The following KAT6A variants were observed in gnomAD, a reference collection of about 807,000 sequenced individuals.
KAT6A encodes histone acetyltransferase KAT6A.
Under a neutral mutation model 198.4 loss-of-function variants are expected in KAT6A, and 9 were observed. The ratio of observed to expected loss-of-function variants is 0.05; its 90% CI spans 0.03 to 0.08. KAT6A has a LOEUF of 0.08. Ranked by LOEUF, KAT6A falls within the 10% of genes least tolerant of loss-of-function variation. The pLI is 1.00. For missense variants in KAT6A, 2,077 were observed against 2,509.9 expected, an observed-to-expected ratio of 0.83 and a Z score of 3.69; for synonymous variants, 890 against 883.0, an observed-to-expected ratio of 1.01 and a Z score of -0.14.
chr8:41,942,181 A>G, intron 14 of KAT6A: 1 of 212,284 alleles, frequency 4.7e-6, no homozygotes, highest in Admixed American at 5.8e-5. Flanking sequence ...ACAGTTCACC[A>G]GCAACCCTTT....
At chr8:42,008,277 C>G (rs1825846200) in intron 2 of KAT6A, among the ~76,000 whole-genome samples, 1 of 152,054 alleles carries the variant, frequency 6.6e-6, no homozygotes, top group Non-Finnish European at 1.5e-5. Context: ...TAGGATAATC[C>G]AAAGCTAACA....
At chr8:41,951,810 T>G (rs1289554903) in intron 9 of KAT6A, among the ~76,000 whole-genome samples, 1 of 152,188 alleles carries the variant, frequency 6.6e-6, no homozygotes, top group East Asian at 1.9e-4. Flanking sequence ...TTGTAGCAAA[T>G]TTTTAATGTA....
chr8:41,964,274 T>C (rs1048731184), intron 8 of KAT6A, among the ~76,000 whole-genome samples: 1 of 152,188 alleles, frequency 6.6e-6, no homozygotes, highest in African/African-American at 2.4e-5. Flanking sequence ...TAAAGTTGTA[T>C]TAAATGAAAC....
chr8:41,946,166 C>T (rs1822375167), intron 12 of KAT6A, among the ~76,000 whole-genome samples: 1 of 152,066 alleles, frequency 6.6e-6, no homozygotes. Context: ...GCAGGGGTAG[C>T]ATTGCTCACT....
intron 3 of KAT6A, among the ~76,000 whole-genome samples, chr8:41,986,127 G>T (rs1190147271): frequency 6.6e-6 from 1 of 152,118 alleles, no homozygotes; most frequent in African/African-American, 2.4e-5. Flanking sequence ...TTTTAGTAGT[G>T]ATGGGGTTTC....
At chr8:41,944,807 C>T (rs183885660) in intron 12 of KAT6A, among the ~76,000 whole-genome samples, 35 of 152,222 alleles carry the variant, frequency 2.3e-4, no homozygotes, top group African/African-American at 7.2e-4. Context: ...AATCATGAGT[C>T]CTATTTCAAA....
chr8:42,034,154 C>A (rs937897829), intron 2 of KAT6A, among the ~76,000 whole-genome samples: 5 of 152,024 alleles, frequency 3.3e-5, no homozygotes, highest in Non-Finnish European at 1.5e-5. Context: ...AATATAGGGG[C>A]AAGGGAAAAC....
chr8:41,941,104 T>C lies in KAT6A; in HGVS notation c.2777A>G (p.Gln926Arg), dbSNP rs546560779. ...SEEQLVASEE[Q>R]PSQDGKPDLP... ...GTCAGGTTTCCCGTCCTGGCTTGGCTGCTCCTCAGAAGCCACCAGCTGTTC... is the reference window on the plus strand; with the variant it reads ...GTCAGGTTTCCCGTCCTGGCTTGGCCGCTCCTCAGAAGCCACCAGCTGTTC... The change falls in exon 15 of 17, where the codon CAG becomes CGG. Residue 926 changes from glutamine (Q) to arginine (R), a missense_variant. By Grantham distance (43) the Gln-to-Arg change is conservative (BLOSUM62 1). Coordinates refer to ENST00000265713, the MANE Select transcript of KAT6A (RefSeq NM_006766.5). 1 of 1,614,252 alleles carries C rather than the reference T, an allele frequency of 6.2e-7. No individual in the cohort carries two copies. The highest frequency in any genetic ancestry group is 1.1e-5 in the South Asian group (1 of 91,086).
At chr8:41,939,390 C>CG (rs1202860580) in intron 15 of KAT6A, among the ~76,000 whole-genome samples, 1 of 152,146 alleles carries the variant, frequency 6.6e-6, no homozygotes, top group African/African-American at 2.4e-5. Context: ...TTTTTACAGA[C>CG]GGAGTCTTGC....
At chr8:41,989,523 A>AACGTAACGTG (rs1385707935) in intron 2 of KAT6A, among the ~76,000 whole-genome samples, 8 of 144,540 alleles carry the variant, frequency 5.5e-5, no homozygotes, top group Middle Eastern at 3.6e-3. Context: ...AAAATAACAT[A>AACGTAACGTG]ACGTAACGTG....
At chr8:41,957,193 G>A (rs766073264) in intron 8 of KAT6A, 1 of 588,006 alleles carries the variant, frequency 1.7e-6, no homozygotes, top group Admixed American at 1.9e-5. Context: ...GTCCAGAATG[G>A]GACCTGTGGT....
At chr8:41,996,530 G>C (rs1267348943) in intron 2 of KAT6A, among the ~76,000 whole-genome samples, 1 of 152,200 alleles carries the variant, frequency 6.6e-6, no homozygotes, top group Non-Finnish European at 1.5e-5. Flanking sequence ...CTCCAAGTCT[G>C]GTGTTGTTAA....
In KAT6A at chr8:41,988,692, G is replaced by A. The variant is rs1824753161; in HGVS notation, c.601-1129C>T. Among the ~76,000 whole-genome samples the A allele has an allele frequency of 2.0e-5, 3 of 152,208 alleles. No individual in the cohort carries two copies. In the South Asian group the frequency reaches 6.2e-4, roughly 31 times the overall value. On this transcript the variant is annotated intron_variant, in intron 2 of 16. Coordinates refer to ENST00000265713, the MANE Select transcript of KAT6A (RefSeq NM_006766.5). The stretch of plus-strand genomic sequence containing the variant: ...GTTTTGAGAGTAGCAGAAAAACAAA[G>A]TGAGTTAAATATGACTAAGTGAACT...
At chr8:42,017,439 A>T (rs1298475417) in intron 2 of KAT6A, among the ~76,000 whole-genome samples, 1 of 152,194 alleles carries the variant, frequency 6.6e-6, no homozygotes, top group Non-Finnish European at 1.5e-5. Flanking sequence ...CCATGAGAAT[A>T]TATTTGTTTA....
At position 41,929,951 on chromosome 8, in the gene KAT6A, C is replaced by T. The variant is rs1228075711; in HGVS notation, c.*2254G>A. 1 of 217,636 alleles carries T rather than the reference C, an allele frequency of 4.6e-6. No homozygotes were observed. Among genetic ancestry groups the T allele is most frequent in the Non-Finnish European group, 9.2e-6 (1 of 108,434 alleles). The allele number at this position is 217,636 out of a possible 1,614,324, so 13.5% of individuals were successfully genotyped here. A position where few individuals can be genotyped will look rare whatever the true frequency, so the allele number is the denominator to read the frequency against. ...TTAAATTTCTTTTTTAGAAGATTAC[C>T]CAAGTTATCTTGCTAAAAATACATT... On this transcript the variant is annotated 3_prime_UTR_variant, in exon 17 of 17. Coordinates refer to ENST00000265713, the MANE Select transcript of KAT6A (RefSeq NM_006766.5).
intron 2 of KAT6A, among the ~76,000 whole-genome samples, chr8:42,031,911 G>A (rs1313953016): frequency 2.7e-5 from 4 of 150,840 alleles, no homozygotes; most frequent in Non-Finnish European, 5.9e-5. Flanking sequence ...GATTACAGGC[G>A]TGAGCCACCA....
At chr8:41,945,296 G>C in intron 12 of KAT6A, among the ~76,000 whole-genome samples, 1 of 148,928 alleles carries the variant, frequency 6.7e-6, no homozygotes, top group East Asian at 1.9e-4. Flanking sequence ...TTTTGAGATG[G>C]AGTTTTGCTC....
At chr8:41,958,956 G>A (rs564331590) in intron 8 of KAT6A, among the ~76,000 whole-genome samples, 10 of 152,106 alleles carry the variant, frequency 6.6e-5, no homozygotes, top group East Asian at 5.8e-4. Context: ...TCAGGAGATC[G>A]AGACCATCCT....
At chr8:42,039,660 T>C (rs1195405340) in intron 2 of KAT6A, among the ~76,000 whole-genome samples, 15 of 152,214 alleles carry the variant, frequency 9.9e-5, no homozygotes, top group Admixed American at 9.2e-4. Flanking sequence ...AAATTTAATG[T>C]ATTTTGCATT....
Sources: allele counts gnomAD v4.1 joint callset (sites outside exome capture counted in the v4.1 genomes callset), GRCh38; gene constraint gnomAD v4.1.1; transcripts MANE v1.5; gene names NCBI Gene and HGNC (gene_info 2026-07-23, HGNC 2026-07-21).